DCT: variants seen among roughly 807,000 people sequenced by gnomAD.
The protein encoded by DCT is L-dopachrome tautomerase.
In DCT, 47 loss-of-function variants were observed where a neutral mutation model predicts 53.0. The ratio of observed to expected loss-of-function variants is 0.89; its 90% CI spans 0.70 to 1.13. The LOEUF is 1.13. DCT is among the 50% of genes most tolerant of loss of function. The pLI, the probability that DCT is intolerant of heterozygous loss-of-function variation, is 0.00. For synonymous variants in DCT, 244 were observed against 237.0 expected, an observed-to-expected ratio of 1.03 and a Z score of -0.27; for missense variants, 669 against 637.4, an observed-to-expected ratio of 1.05 and a Z score of -0.53.
chr13:94,473,005 G>A (rs1035388446), intron 1 of DCT, among the ~76,000 whole-genome samples: 4 of 152,120 alleles, frequency 2.6e-5, no homozygotes, highest in Admixed American at 6.6e-5. Context: ...TAAGAATCAC[G>A]TCAGTTTTTC....
At chr13:94,510,708 C>T in the DCT span, among the ~76,000 whole-genome samples, 4 of 152,328 alleles carry the variant, frequency 2.6e-5, no homozygotes, top group Non-Finnish European at 5.9e-5. Flanking sequence ...CCATCTTTCT[C>T]ATGGCTTTTA....
In DCT at chr13:94,463,285, C is replaced by CTT. The variant is rs34241046; in HGVS notation, c.864-1098_864-1097dup. ...CCCAGTAGCTGGGACTACTGGCTAA[C>CTT]TTTTTTTTTTTTTTTTTTTGAGACA... On this transcript the variant is annotated intron_variant, in intron 4 of 7. Coordinates refer to ENST00000377028, the MANE Select transcript of DCT (RefSeq NM_001922.5). Among the ~76,000 whole-genome samples the CTT allele has an allele frequency of 2.9e-3, 381 of 131,324 alleles. 4 individuals are homozygous for CTT. Among genetic ancestry groups the CTT allele is most frequent in the African/African-American group, 0.01 (355 of 34,810 alleles). The allele number at this position is 131,324 out of a possible 152,430, so 86.2% of individuals were successfully genotyped here. A position where few individuals can be genotyped will look rare whatever the true frequency, so the allele number is the denominator to read the frequency against.
At chr13:94,476,274 C>T (rs9590020) in intron 1 of DCT, among the ~76,000 whole-genome samples, 2 of 144,372 alleles carry the variant, frequency 1.4e-5, no homozygotes, top group Non-Finnish European at 3.0e-5. Context: ...CATTTCCTTA[C>T]CAAAGGGAAA....
the DCT span, among the ~76,000 whole-genome samples, chr13:94,543,773 G>C: frequency 6.6e-6 from 1 of 152,104 alleles, no homozygotes; most frequent in Non-Finnish European, 1.5e-5. Flanking sequence ...GGTGGCTCAC[G>C]CCTGTAATCC....
chr13:94,481,126 A>G (rs536902366), upstream of DCT, among the ~76,000 whole-genome samples: 1 of 152,070 alleles, frequency 6.6e-6, no homozygotes, highest in Admixed American at 6.5e-5. Flanking sequence ...CCTTCTCCCC[A>G]TCTGTCTGTG....
chr13:94,510,525 C>T, the DCT span, among the ~76,000 whole-genome samples: 11,339 of 152,244 alleles, frequency 0.074, 881 homozygotes, highest in African/African-American at 0.2. Flanking sequence ...ATACTGAGCA[C>T]ATGTTGAAAC....
intron 1 of DCT, 152 bp downstream of exon 1, chr13:94,478,809 G>A: frequency 1.4e-6 from 1 of 694,974 alleles, no homozygotes. Flanking sequence ...CAGCACATCA[G>A]CCTTATTGAA....
At chr13:94,542,848 C>T in the DCT span, among the ~76,000 whole-genome samples, 2 of 151,994 alleles carry the variant, frequency 1.3e-5, no homozygotes, top group African/African-American at 2.4e-5. Context: ...ACCCAAAAAA[C>T]CAAAACACAC....
chr13:94,440,303 G>C (rs370146293), intron 7 of DCT, among the ~76,000 whole-genome samples: 29 of 152,100 alleles, frequency 1.9e-4, no homozygotes, highest in Admixed American at 9.2e-4. Flanking sequence ...ACAGCTTATT[G>C]CATTTTAAAA....
chr13:94,500,681 T>C, the DCT span, among the ~76,000 whole-genome samples: 1 of 102 alleles, frequency 9.8e-3, no homozygotes, highest in Non-Finnish European at 0.016. Flanking sequence ...CAGAATCTCC[T>C]TGCTTTTAAG....
chr13:94,508,058 CTG>C, the DCT span, among the ~76,000 whole-genome samples: 3 of 152,184 alleles, frequency 2.0e-5, no homozygotes, highest in African/African-American at 7.2e-5. Context: ...CCTCAGTTAT[CTG>C]CAAAGATCAT....
chr13:94,466,779 A>T, intron 2 of DCT, 121 bp from the exon 3 acceptor site: 2 of 503,406 alleles, frequency 4.0e-6, no homozygotes, highest in Non-Finnish European at 6.8e-6. Context: ...GTAAGAAAAA[A>T]AAGTTTTGTT....
At chr13:94,482,452 G>A (rs1450546187), upstream of DCT, among the ~76,000 whole-genome samples, 1 of 152,134 alleles carries the variant, frequency 6.6e-6, no homozygotes, top group Admixed American at 6.6e-5. Flanking sequence ...GGCCTTCCAT[G>A]ATATTTTAAC....
chr13:94,500,215 G>T, the DCT span, among the ~76,000 whole-genome samples: 1 of 152,090 alleles, frequency 6.6e-6, no homozygotes, highest in Non-Finnish European at 1.5e-5. Flanking sequence ...TTCTCATGCT[G>T]CCAACAAAGA....
intron 5 of DCT, among the ~76,000 whole-genome samples, chr13:94,461,253 C>T (rs889911137): frequency 1.3e-5 from 2 of 152,208 alleles, no homozygotes; most frequent in East Asian, 1.9e-4. Context: ...ACACAGCCTA[C>T]ACCTACTGAA....
chr13:94,479,387 T>C lies in DCT; in HGVS notation c.-132A>G. ...TTTTTCTTTGCTTTCTATTCCTTTC[T>C]TCTTAAAAAAATACCCACAAGAATC... On this transcript the variant is annotated 5_prime_UTR_variant, in exon 1 of 8. Transcript: ENST00000377028. 1.1e-6 allele frequency: 1 copy of C among 890,014 alleles called. No homozygotes were observed. Among genetic ancestry groups the C allele is most frequent in the Non-Finnish European group, 1.7e-6 (1 of 601,146 alleles). 55.1% of individuals were successfully genotyped at this position (890,014 alleles called of 1,614,324 possible).
intron 6 of DCT, among the ~76,000 whole-genome samples, chr13:94,444,916 C>T (rs1412449213): frequency 6.6e-6 from 1 of 152,198 alleles, no homozygotes; most frequent in South Asian, 2.1e-4. Context: ...CCTTTGAAGT[C>T]TCAGGTTTAG....
chr13:94,547,420 C>A, the DCT span, among the ~76,000 whole-genome samples: 4 of 151,952 alleles, frequency 2.6e-5, no homozygotes, highest in Non-Finnish European at 5.9e-5. Flanking sequence ...CCTGACCCTG[C>A]TCTAAACTTT....
At chr13:94,527,573 G>A in the DCT span, among the ~76,000 whole-genome samples, 7 of 152,090 alleles carry the variant, frequency 4.6e-5, no homozygotes, top group Non-Finnish European at 8.8e-5. Flanking sequence ...ACTAACAAAC[G>A]GAAAGGAATA....
Sources: gnomAD v4.1 joint callset for allele counts (sites outside exome capture counted in the v4.1 genomes callset) on GRCh38, gnomAD v4.1.1 for gene constraint, MANE v1.5 for transcripts, NCBI Gene and HGNC (gene_info 2026-07-23, HGNC 2026-07-21) for gene names.